COL4A6: variants seen among roughly 807,000 people sequenced by gnomAD.
COL4A6 encodes the protein collagen type IV alpha 6 chain.
Under a neutral mutation model 126.7 loss-of-function variants are expected in COL4A6, and 59 were observed. The ratio of observed to expected loss-of-function variants is 0.47; its 90% confidence interval spans 0.38 to 0.58. The LOEUF is 0.58. Among genes scored for constraint, COL4A6 ranks in the 20% least tolerant of loss-of-function variants. COL4A6 has a pLI of 0.00. For missense variants in COL4A6, 1,285 were observed against 1,337.3 expected (o/e 0.96, Z 0.61); for synonymous variants, 547 against 496.6 (o/e 1.10, Z -1.35).
At chrX:108,313,401 T>C (rs2038807769) in intron 2 of COL4A6, among the ~76,000 whole-genome samples, 1 of 112,242 alleles carries the variant, frequency 8.9e-6, no homozygotes, top group African/African-American at 3.2e-5. Context: ...ATCCGAGCAG[T>C]ACTTTATTAT....
chrX:108,405,048 A>G (rs1010052319), intron 2 of COL4A6, among the ~76,000 whole-genome samples: 1 of 111,528 alleles, frequency 9.0e-6, no homozygotes, highest in Non-Finnish European at 1.9e-5. Flanking sequence ...ACACACACAC[A>G]CGTAGAAGTG....
intron 41 of COL4A6, 125 bp downstream of exon 41, chrX:108,162,767 C>T: frequency 2.6e-6 from 2 of 779,916 alleles, no homozygotes; most frequent in Non-Finnish European, 3.6e-6. Flanking sequence ...AGCTTGGGAG[C>T]TTTGTGAAGG....
At chrX:108,434,955 A>C (rs2147413501) in intron 2 of COL4A6, among the ~76,000 whole-genome samples, 1 of 110,648 alleles carries the variant, frequency 9.0e-6, no homozygotes, top group East Asian at 2.8e-4. Flanking sequence ...ACTGGAAGAG[A>C]TCGTCTCCAT....
At chrX:108,418,164 A>G (rs925822498) in intron 2 of COL4A6, among the ~76,000 whole-genome samples, 3 of 112,117 alleles carry the variant, frequency 2.7e-5, no homozygotes, top group Non-Finnish European at 5.6e-5. Context: ...ATAGGTGTTA[A>G]TAGAAGGATG....
chrX:108,253,564 C>A (rs1277362199), intron 3 of COL4A6, among the ~76,000 whole-genome samples: 2 of 112,034 alleles, frequency 1.8e-5, no homozygotes, highest in African/African-American at 3.2e-5. Context: ...ACGTCTTATT[C>A]ATCTTTGTAT....
At chrX:108,384,170 A>G (rs2040631636) in intron 2 of COL4A6, among the ~76,000 whole-genome samples, 1 of 111,027 alleles carries the variant, frequency 9.0e-6, no homozygotes, top group Non-Finnish European at 1.9e-5. Flanking sequence ...TATACTTTTA[A>G]CCACTTAGCC....
chrX:108,407,140 T>A (rs781641514), intron 2 of COL4A6, among the ~76,000 whole-genome samples: 1 of 112,575 alleles, frequency 8.9e-6, no homozygotes, highest in South Asian at 3.7e-4. Context: ...TAGAACGGCT[T>A]TGTTATGACT....
chrX:108,271,835 T>C (rs2037459908), intron 3 of COL4A6, among the ~76,000 whole-genome samples: 2 of 112,245 alleles, frequency 1.8e-5, no homozygotes, highest in African/African-American at 6.5e-5. Context: ...AACTACTATA[T>C]TTACACCATG....
At chrX:108,274,763 T>C (rs1377765100) in intron 3 of COL4A6, among the ~76,000 whole-genome samples, 1 of 111,704 alleles carries the variant, frequency 9.0e-6, no homozygotes, top group Admixed American at 9.5e-5. Flanking sequence ...TGGGAGTGAG[T>C]CTTAGTTCCT....
At chrX:108,412,582 C>G (rs1376686875) in intron 2 of COL4A6, among the ~76,000 whole-genome samples, 10 of 111,979 alleles carry the variant, frequency 8.9e-5, no homozygotes, top group Non-Finnish European at 1.9e-5. Context: ...TAGCACTCCA[C>G]TCTACTGATG....
chrX:108,272,920 A>C (rs935097810), intron 3 of COL4A6, among the ~76,000 whole-genome samples: 1 of 109,280 alleles, frequency 9.2e-6, no homozygotes, highest in African/African-American at 3.3e-5. Context: ...TATATTTTTT[A>C]CTTTCTTTTT....
At position 108,194,585 on chromosome X, in the gene COL4A6, G is replaced by T; in HGVS notation, c.951C>A (p.Gly317=). Residue 317 remains glycine (G), a splice_region_variant and synonymous_variant, in exon 16 of 45, where the codon GGC becomes GGA. Coordinates refer to ENST00000334504, the MANE Select transcript of COL4A6 (RefSeq NM_033641.4). ...CAGGAAATCCCAGGGTCCCTTTCTT[G>T]CCCTGTGACAGAAACATAGTTACCA... ...EGVQGPPGQQ[G]KKGTLGFPGL... is the part of the protein sequence containing the mutation. 1 of 1,208,377 alleles carries T rather than the reference G, an allele frequency of 8.3e-7. No homozygotes were observed. Among genetic ancestry groups the T allele is most frequent in the Non-Finnish European group, 1.1e-6 (1 of 892,965 alleles).
Position 108,180,566 on chromosome X carries a change from T to G in COL4A6, c.2080A>C (p.Ser694Arg). 3 of 1,208,633 alleles carry G rather than the reference T, an allele frequency of 2.5e-6. No individual in the cohort carries two copies. The highest frequency in any genetic ancestry group is 3.4e-6 in the Non-Finnish European group (3 of 894,617). The stretch of plus-strand genomic sequence containing the variant: ...CCTGGACTCCCTGGCTCTCCTTTAC[T>G]TCCACTTGACCCAGGCTGGCCTGGG... ...GTPGQPGSSG[S>R]KGEPGSPGLV... The change falls in exon 25 of 45, where the codon AGT becomes CGT. Residue 694 changes from serine (S) to arginine (R), a missense_variant. Transcript: ENST00000334504.
intron 32 of COL4A6, 51 bp downstream of exon 32, chrX:108,172,417 AT>A: frequency 1.1e-6 from 1 of 931,725 alleles, no homozygotes. Flanking sequence ...CCTGCTAGAA[AT>A]CTACCTTGCT....
At chrX:108,240,632 C>T (rs774226098) in intron 3 of COL4A6, among the ~76,000 whole-genome samples, 5 of 111,788 alleles carry the variant, frequency 4.5e-5, no homozygotes, top group South Asian at 7.6e-4. Flanking sequence ...TTTGGTTCAC[C>T]TTTCTTTCCA....
chrX:108,291,720 C>T (rs1569410759), intron 3 of COL4A6, among the ~76,000 whole-genome samples: 1 of 111,765 alleles, frequency 8.9e-6, no homozygotes, highest in Non-Finnish European at 1.9e-5. Flanking sequence ...AGAGGATTAG[C>T]TGAGACGGGA....
At chrX:108,367,046 T>C (rs1466594802) in intron 2 of COL4A6, among the ~76,000 whole-genome samples, 1 of 112,258 alleles carries the variant, frequency 8.9e-6, no homozygotes, top group Non-Finnish European at 1.9e-5. Context: ...ACTCAGATCA[T>C]GAAACAAGTG....
intron 3 of COL4A6, among the ~76,000 whole-genome samples, chrX:108,285,562 T>G (rs1466025075): frequency 9.0e-6 from 1 of 111,444 alleles, no homozygotes; most frequent in East Asian, 2.8e-4. Flanking sequence ...AGATTTTTTT[T>G]GGGTCTGAGT....
chrX:108,280,685 C>A (rs2037785304), intron 3 of COL4A6, among the ~76,000 whole-genome samples: 1 of 111,263 alleles, frequency 9.0e-6, no homozygotes, highest in African/African-American at 3.3e-5. Flanking sequence ...GGCAGAGACA[C>A]AACCAAAAAA....
Sources: allele counts gnomAD v4.1 joint callset (sites outside exome capture counted in the v4.1 genomes callset), GRCh38; gene constraint gnomAD v4.1.1; transcripts MANE v1.5; gene names NCBI Gene and HGNC (gene_info 2026-07-23, HGNC 2026-07-21).